Variants in CHRM3 observed in about 807,000 individuals in gnomAD.
CHRM3 encodes the protein cholinergic receptor muscarinic 3.
Under a neutral mutation model 41.8 loss-of-function variants are expected in CHRM3, and 11 were observed. The observed-to-expected ratio is 0.26, with a 90% CI of 0.17 to 0.44. The LOEUF (loss-of-function observed/expected upper bound fraction) is 0.44, where lower values mean the gene tolerates loss of function less well. Ranked by LOEUF, CHRM3 falls within the 20% of genes least tolerant of loss-of-function variation. The probability of loss-of-function intolerance (pLI) is 1.00; values close to 1 mark genes in which losing one functional copy is unlikely to be tolerated. For synonymous variants in CHRM3, 297 were observed against 301.4 expected (o/e 0.99, Z 0.15); for missense variants, 571 against 745.4 (o/e 0.77, Z 2.72).
intron 6 of CHRM3, among the ~76,000 whole-genome samples, chr1:239,855,931 A>G (rs572094308): frequency 6.6e-6 from 1 of 152,308 alleles, no homozygotes; most frequent in Non-Finnish European, 1.5e-5. Context: ...AGGCATATCA[A>G]TGTAACAAAT....
At chr1:239,823,722 T>A (rs995960886) in intron 5 of CHRM3, among the ~76,000 whole-genome samples, 1 of 152,010 alleles carries the variant, frequency 6.6e-6, no homozygotes, top group African/African-American at 2.4e-5. Flanking sequence ...ATTTTTCCAA[T>A]AGGAAAGGCC....
chr1:239,604,875 T>C (rs368537809), intron 3 of CHRM3, among the ~76,000 whole-genome samples: 2 of 152,336 alleles, frequency 1.3e-5, no homozygotes, highest in East Asian at 1.9e-4. Context: ...TTCTTGGTTG[T>C]TTAATTTCAG....
chr1:239,801,635 C>A (rs919594726), intron 5 of CHRM3, among the ~76,000 whole-genome samples: 1 of 152,138 alleles, frequency 6.6e-6, no homozygotes, highest in South Asian at 2.1e-4. Flanking sequence ...TCCTGCCAAG[C>A]AGCCATCAGA....
chr1:239,576,594 G>GCACA (rs3063538), intron 3 of CHRM3, among the ~76,000 whole-genome samples: 1,792 of 141,668 alleles, frequency 0.013, 23 homozygotes, highest in South Asian at 0.019. Flanking sequence ...ACACACACAC[G>GCACA]CACACACACA....
At chr1:239,676,217 G>T in intron 4 of CHRM3, among the ~76,000 whole-genome samples, 1 of 152,196 alleles carries the variant, frequency 6.6e-6, no homozygotes, top group East Asian at 1.9e-4. Flanking sequence ...ACATCACAAG[G>T]CTTGAGAGAA....
At chr1:239,393,934 A>G (rs1354821909) in intron 1 of CHRM3, among the ~76,000 whole-genome samples, 2 of 152,180 alleles carry the variant, frequency 1.3e-5, no homozygotes, top group African/African-American at 4.8e-5. Flanking sequence ...CCTATCAATT[A>G]TCTATCTCTT....
intron 5 of CHRM3, among the ~76,000 whole-genome samples, chr1:239,737,060 A>G (rs922994676): frequency 3.9e-5 from 6 of 152,286 alleles, no homozygotes; most frequent in African/African-American, 1.4e-4. Flanking sequence ...ACTCTGGCTA[A>G]GTAAGTATAC....
In CHRM3 at chr1:239,602,110, G is replaced by GTGTGTA. The variant is rs1307023039; in HGVS notation, c.-312-30113_-312-30112insGTGTAT. Among the ~76,000 whole-genome samples, 745 of 112,762 alleles carry GTGTGTA rather than the reference G, an allele frequency of 6.6e-3. 9 individuals carry two copies. The highest frequency in any genetic ancestry group is 0.024 in the African/African-American group (700 of 29,156). The allele number at this position is 112,762 out of a possible 152,430, so 74.0% of individuals were successfully genotyped here. ...TATACATGTGTGTGTGTGTGTGTGT[G>GTGTGTA]TATATATATATATATATATATATAT... On this transcript the variant is annotated intron_variant, in intron 3 of 6. Coordinates refer to ENST00000676153, the MANE Select transcript of CHRM3 (RefSeq NM_001375978.1).
chr1:239,727,953 G>A (rs1311643593), intron 5 of CHRM3: 1 of 151,928 alleles, frequency 6.6e-6, no homozygotes, highest in Non-Finnish European at 1.5e-5. Flanking sequence ...CGTGCTGTAA[G>A]ACTACTAGAA....
chr1:239,512,662 T>C (rs930733594), intron 2 of CHRM3, among the ~76,000 whole-genome samples: 1 of 152,180 alleles, frequency 6.6e-6, no homozygotes, highest in African/African-American at 2.4e-5. Flanking sequence ...TCTCTCACTC[T>C]TTATTTCTTC....
rs192131482 is a variant in CHRM3, at chr1:239,407,558, T to G, written c.-521+20331T>G. On this transcript the variant is annotated intron_variant, in intron 1 of 6. Transcript: ENST00000676153. ...TTTTTCTTATTGCAGAAAGGAAAAC[T>G]GACAAACCCACCCTTATATTATTTC... is the stretch of plus-strand genomic sequence containing the variant. Among the ~76,000 whole-genome samples, 21 of 152,100 alleles carry G rather than the reference T, an allele frequency of 1.4e-4. 1 individual carries two copies. In the East Asian group the frequency reaches 4.1e-3, roughly 29 times the overall value.
intron 3 of CHRM3, among the ~76,000 whole-genome samples, chr1:239,559,203 C>T (rs894554540): frequency 6.6e-6 from 1 of 152,166 alleles, no homozygotes; most frequent in African/African-American, 2.4e-5. Context: ...ACTAGCAAAG[C>T]AGGCTGTCTC....
At chr1:239,716,726 G>A (rs1312552054) in intron 5 of CHRM3, among the ~76,000 whole-genome samples, 10 of 151,898 alleles carry the variant, frequency 6.6e-5, no homozygotes, top group Admixed American at 6.6e-4. Context: ...GGGAGAAGAA[G>A]GGAAAGGAAA....
intron 2 of CHRM3, among the ~76,000 whole-genome samples, chr1:239,511,604 A>T (rs1318406832): frequency 6.6e-6 from 1 of 152,224 alleles, no homozygotes; most frequent in Non-Finnish European, 1.5e-5. Flanking sequence ...TTTAAAAAAT[A>T]AATTAGGCTC....
intron 5 of CHRM3, among the ~76,000 whole-genome samples, chr1:239,706,703 CG>C (rs2148159689): frequency 6.6e-6 from 1 of 151,278 alleles, no homozygotes; most frequent in African/African-American, 2.4e-5. Flanking sequence ...CCCACACACA[CG>C]TGTGCATGTA....
At chr1:239,883,606 G>A (rs923863503) in intron 6 of CHRM3, among the ~76,000 whole-genome samples, 1 of 152,166 alleles carries the variant, frequency 6.6e-6, no homozygotes, top group Non-Finnish European at 1.5e-5. Context: ...TATAGATGAG[G>A]AAACTGAGGC....
At chr1:239,896,145 A>G (rs1317213480) in intron 6 of CHRM3, among the ~76,000 whole-genome samples, 8 of 152,164 alleles carry the variant, frequency 5.3e-5, no homozygotes. Context: ...GACACAGTGA[A>G]GTGCTCTGTG....
chr1:239,543,809 A>C (rs566403971), intron 2 of CHRM3, among the ~76,000 whole-genome samples: 22 of 152,244 alleles, frequency 1.4e-4, no homozygotes, highest in Admixed American at 1.2e-3. Flanking sequence ...CGCCCTGCCC[A>C]GCAACCGATT....
At chr1:239,427,701 T>G (rs1662502508) in intron 1 of CHRM3, among the ~76,000 whole-genome samples, 1 of 151,650 alleles carries the variant, frequency 6.6e-6, no homozygotes, top group Non-Finnish European at 1.5e-5. Flanking sequence ...ACCAATGAGA[T>G]GATGATCAGA....
Sources: allele counts gnomAD v4.1 joint callset (sites outside exome capture counted in the v4.1 genomes callset), GRCh38; gene constraint gnomAD v4.1.1; transcripts MANE v1.5; gene names NCBI Gene and HGNC (gene_info 2026-07-23, HGNC 2026-07-21).